MDGA2: variants seen among roughly 807,000 people sequenced by gnomAD.
MDGA2 encodes the protein MAM domain containing glycosylphosphatidylinositol anchor 2.
MDGA2 carries 40 observed loss-of-function variants against 117.8 expected under a neutral mutation model. The observed-to-expected ratio is 0.34, with a 90% CI of 0.26 to 0.44. The LOEUF is 0.44. Ranked by LOEUF, MDGA2 falls within the 20% of genes least tolerant of loss-of-function variation. MDGA2 has a pLI of 1.00. For synonymous variants in MDGA2, 452 were observed against 439.0 expected, an observed-to-expected ratio of 1.03 and a Z score of -0.37; for missense variants, 1,123 against 1,250.6, an observed-to-expected ratio of 0.90 and a Z score of 1.54.
rs377236650 is a variant in MDGA2, at chr14:47,036,213, T to C, written c.1526-909A>G. ...TGAACCCGGGAGGCGGAGCTTGCAG[T>C]GAGTTGAGATTGCACCACTGCACTC... On this transcript the variant is annotated intron_variant, in intron 7 of 16. Transcript: ENST00000399232. 3.1e-4 allele frequency among the ~76,000 whole-genome samples: 41 copies of C among 133,732 alleles called. 1 individual carries two copies. The highest frequency in any genetic ancestry group is 1.0e-3 in the African/African-American group (35 of 34,662). The allele number at this position is 133,732 out of a possible 152,430, so 87.7% of individuals were successfully genotyped here.
intron 10 of MDGA2, among the ~76,000 whole-genome samples, chr14:46,892,910 T>G (rs201173002): frequency 6.6e-6 from 1 of 152,008 alleles, no homozygotes; most frequent in African/African-American, 2.4e-5. Flanking sequence ...TTAGTGGGTA[T>G]GTAGATTGGT....
chr14:47,463,068 GA>G (rs1893525453), intron 1 of MDGA2, among the ~76,000 whole-genome samples: 1 of 152,048 alleles, frequency 6.6e-6, no homozygotes, highest in East Asian at 1.9e-4. Flanking sequence ...CTAAGACTTG[GA>G]AAGGAACAAG....
At chr14:47,328,464 C>A (rs1160283542) in intron 1 of MDGA2, among the ~76,000 whole-genome samples, 2 of 152,138 alleles carry the variant, frequency 1.3e-5, no homozygotes, top group Non-Finnish European at 2.9e-5. Context: ...TATCATGCTG[C>A]ATTTTAAAGA....
At chr14:47,541,298 AT>A (rs1156370079) in intron 1 of MDGA2, among the ~76,000 whole-genome samples, 1 of 152,212 alleles carries the variant, frequency 6.6e-6, no homozygotes, top group Non-Finnish European at 1.5e-5. Context: ...CACTAATTCA[AT>A]TTGAGAACAA....
At chr14:47,443,170 T>C (rs1469216831) in intron 1 of MDGA2, among the ~76,000 whole-genome samples, 3 of 152,136 alleles carry the variant, frequency 2.0e-5, no homozygotes, top group Admixed American at 2.0e-4. Flanking sequence ...AGAACAAATC[T>C]TGAGATCATG....
intron 1 of MDGA2, among the ~76,000 whole-genome samples, chr14:47,654,545 G>A (rs1353055229): frequency 6.6e-6 from 1 of 152,100 alleles, no homozygotes; most frequent in Non-Finnish European, 1.5e-5. Context: ...CAGCCAATAT[G>A]TTCCAGTAGA....
At chr14:47,280,221 G>A (rs1272715885) in intron 2 of MDGA2, among the ~76,000 whole-genome samples, 1 of 145,172 alleles carries the variant, frequency 6.9e-6, no homozygotes, top group Non-Finnish European at 1.5e-5. Context: ...CGCTGAGGCA[G>A]GAGAATCACT....
intron 1 of MDGA2, among the ~76,000 whole-genome samples, chr14:47,454,732 C>G (rs190592865): frequency 6.6e-6 from 1 of 152,244 alleles, no homozygotes; most frequent in African/African-American, 2.4e-5. Context: ...GAATTAAAAA[C>G]CTGAAAGTGT....
At chr14:47,513,013 C>A (rs1392273868) in intron 1 of MDGA2, among the ~76,000 whole-genome samples, 1 of 151,992 alleles carries the variant, frequency 6.6e-6, no homozygotes, top group Non-Finnish European at 1.5e-5. Context: ...ACTTCATGTA[C>A]CTCATCTTCA....
intron 1 of MDGA2, chr14:47,343,021 G>A (rs771175664): frequency 8.7e-6 from 11 of 1,257,848 alleles, no homozygotes; most frequent in Non-Finnish European, 1.1e-5. Flanking sequence ...CAGCCACAGA[G>A]TGGGAGAAGC....
At chr14:47,407,065 G>A (rs1481395935) in intron 1 of MDGA2, among the ~76,000 whole-genome samples, 2 of 151,786 alleles carry the variant, frequency 1.3e-5, no homozygotes, top group Admixed American at 6.6e-5. Flanking sequence ...CATTATGTAG[G>A]TTGTTTCCAG....
intron 2 of MDGA2, among the ~76,000 whole-genome samples, chr14:47,249,749 C>T (rs1241360932): frequency 6.6e-6 from 1 of 152,034 alleles, no homozygotes; most frequent in Non-Finnish European, 1.5e-5. Flanking sequence ...TTTCTGTAAA[C>T]AGTACAGGAA....
chr14:47,126,084 CTT>C (rs1310196475), intron 5 of MDGA2, among the ~76,000 whole-genome samples: 7 of 151,946 alleles, frequency 4.6e-5, no homozygotes, highest in Non-Finnish European at 5.9e-5. Flanking sequence ...ACCATCTAAA[CTT>C]ATAAATTTTA....
intron 9 of MDGA2, among the ~76,000 whole-genome samples, chr14:46,920,832 G>T (rs1432550170): frequency 6.6e-6 from 1 of 152,188 alleles, no homozygotes; most frequent in African/African-American, 2.4e-5. Flanking sequence ...ATGAAAATTT[G>T]TGTTTGTATT....
chr14:47,216,195 A>G lies in MDGA2; in HGVS notation c.595+1826T>C, dbSNP rs144377960. On this transcript the variant is annotated intron_variant, in intron 3 of 16. Coordinates refer to ENST00000399232, the MANE Select transcript of MDGA2 (RefSeq NM_001113498.3). ...AAAGGAAAAGAGAAAAATATTTTTT[A>G]AGTCTCTAAAAATGTGAATTTCCCG... 9.3e-4 allele frequency among the ~76,000 whole-genome samples: 142 copies of G among 152,284 alleles called. 1 individual carries two copies. The East Asian group carries it at 0.024, about 25-fold the overall frequency.
intron 3 of MDGA2, among the ~76,000 whole-genome samples, chr14:47,214,014 A>AG (rs1166627883): frequency 4.6e-5 from 7 of 152,222 alleles, no homozygotes; most frequent in African/African-American, 1.4e-4. Context: ...CCGAGCGAAG[A>AG]GGGGGGTAAA....
chr14:46,934,914 T>C lies in MDGA2; in HGVS notation c.2090-14754A>G, dbSNP rs1432282516. 1.3e-5 allele frequency among the ~76,000 whole-genome samples: 2 copies of C among 152,156 alleles called. 1 individual carries two copies. The highest frequency in any genetic ancestry group is 2.9e-5 in the Non-Finnish European group (2 of 68,028). On this transcript the variant is annotated intron_variant, in intron 9 of 16. Transcript: ENST00000399232. ...GCTATGACATGCTGCATTTGGCTTT[T>C]GTCACAGTTAAGGCTCTGGGTCAAT... is the stretch of plus-strand genomic sequence containing the variant.
At chr14:47,065,692 A>G (rs1890055121) in intron 6 of MDGA2, among the ~76,000 whole-genome samples, 1 of 152,234 alleles carries the variant, frequency 6.6e-6, no homozygotes, top group African/African-American at 2.4e-5. Flanking sequence ...GACAGAACAA[A>G]AAAAGACAAC....
rs546386304 is a variant in MDGA2, at chr14:47,294,911, C to A, written c.420+6500G>T. 1.1e-4 allele frequency among the ~76,000 whole-genome samples: 16 copies of A among 152,254 alleles called. No individual in the cohort carries two copies. The East Asian group carries it at 3.1e-3, about 29-fold the overall frequency. On this transcript the variant is annotated intron_variant, in intron 2 of 16. Transcript: ENST00000399232. ...AACAAGGACAAAAGCATCAATAACTCTGCAACAGCCTTGGTAGTTAAAAAT... is the reference window on the plus strand; with the variant it reads ...AACAAGGACAAAAGCATCAATAACTATGCAACAGCCTTGGTAGTTAAAAAT...
Sources: gnomAD v4.1 joint callset for allele counts (sites outside exome capture counted in the v4.1 genomes callset) on GRCh38, gnomAD v4.1.1 for gene constraint, MANE v1.5 for transcripts, NCBI Gene and HGNC (gene_info 2026-07-23, HGNC 2026-07-21) for gene names.